SLC9C2: variants seen among roughly 807,000 people sequenced by gnomAD.
SLC9C2 encodes solute carrier family 9 member C2 (putative).
SLC9C2 carries 75 observed loss-of-function variants against 140.2 expected under a neutral mutation model. That is an observed-to-expected ratio of 0.53 (90% CI 0.44 to 0.65). The LOEUF is 0.65. Ranked by LOEUF, SLC9C2 falls within the 30% of genes least tolerant of loss-of-function variation. The pLI is 0.00. For synonymous variants in SLC9C2, 375 were observed against 420.9 expected, an observed-to-expected ratio of 0.89 and a Z score of 1.34; for missense variants, 1,074 against 1,331.8, an observed-to-expected ratio of 0.81 and a Z score of 3.01.
intron 17 of SLC9C2, among the ~76,000 whole-genome samples, chr1:173,530,957 T>G (rs547473162): frequency 2.0e-5 from 3 of 152,258 alleles, no homozygotes; most frequent in African/African-American, 7.2e-5. Context: ...GAGAGATGTT[T>G]AAAGAGGATT....
At chr1:173,557,278 C>G (rs1017442425) in intron 10 of SLC9C2, 62 bp downstream of exon 10, 1 of 1,502,652 alleles carries the variant, frequency 6.7e-7, no homozygotes. Context: ...GGTTCTCTGA[C>G]AAGTGGGCAA....
chr1:173,593,872 T>G (rs1373552993), intron 4 of SLC9C2, among the ~76,000 whole-genome samples: 1 of 152,192 alleles, frequency 6.6e-6, no homozygotes, highest in Non-Finnish European at 1.5e-5. Flanking sequence ...CCTAGATTCA[T>G]AAAGCAAGTT....
In SLC9C2 at chr1:173,547,700, C is replaced by A; in HGVS notation, c.1546G>T (p.Ala516Ser). 6.2e-7 allele frequency: 1 copy of A among 1,610,334 alleles called. No individual in the cohort carries two copies. The highest frequency in any genetic ancestry group is 8.5e-7 in the Non-Finnish European group (1 of 1,177,128). ...TGAACAGCACCAACCATTTGTATTG[C>A]AGCTACATGCAATCTGGCTTCCTCC... ...LMEEARLHVAAIQMSSFEKQR... is the reference protein window; with the variant it reads ...LMEEARLHVASIQMSSFEKQR... The change falls in exon 13 of 28, where the codon GCA (alanine) becomes TCA (serine). Residue 516 changes from alanine (A) to serine (S), a missense_variant. Coordinates refer to ENST00000367714, the MANE Select transcript of SLC9C2 (RefSeq NM_178527.4).
At chr1:173,542,134 A>C (rs1247856422) in intron 13 of SLC9C2, among the ~76,000 whole-genome samples, 3 of 152,188 alleles carry the variant, frequency 2.0e-5, no homozygotes, top group African/African-American at 7.2e-5. Flanking sequence ...AGAAGGAAAG[A>C]GAGAAGAAGC....
At chr1:173,559,292 C>A (rs994093257) in intron 9 of SLC9C2, among the ~76,000 whole-genome samples, 1 of 152,208 alleles carries the variant, frequency 6.6e-6, no homozygotes, top group East Asian at 1.9e-4. Context: ...CCCTGCCCTG[C>A]CTTTCCAAGA....
chr1:173,507,432 T>C (rs1335808132), intron 24 of SLC9C2, among the ~76,000 whole-genome samples: 1 of 152,062 alleles, frequency 6.6e-6, no homozygotes, highest in African/African-American at 2.4e-5. Context: ...CAAAGCAAGC[T>C]AGAGTCTGAG....
intron 9 of SLC9C2, among the ~76,000 whole-genome samples, chr1:173,568,790 T>C (rs1664662823): frequency 6.6e-6 from 1 of 152,192 alleles, no homozygotes; most frequent in African/African-American, 2.4e-5. Context: ...AATTATCATG[T>C]TTGATAGGTT....
intron 18 of SLC9C2, among the ~76,000 whole-genome samples, chr1:173,529,168 A>T (rs1444447693): frequency 1.3e-5 from 2 of 152,232 alleles, no homozygotes; most frequent in Admixed American, 6.5e-5. Context: ...TGGAAAATCA[A>T]TTGAAAGATT....
At chr1:173,505,192 A>G (rs1659547763) in intron 26 of SLC9C2, 55 bp downstream of exon 26, 2 of 1,374,100 alleles carry the variant, frequency 1.5e-6, no homozygotes, top group East Asian at 2.3e-5. Context: ...GGAATTTTAC[A>G]TGTATTGAAG....
rs1454536324 is a variant in SLC9C2 at position 173,603,057 on chromosome 1, GACAGTACTACCA to G, written c.-398_-387del. The G allele has an allele frequency of 6.6e-6, 1 of 152,138 alleles. No homozygotes were observed. Among genetic ancestry groups the G allele is most frequent in the Non-Finnish European group, 1.5e-5 (1 of 68,032 alleles). 9.4% of individuals were successfully genotyped at this position (152,138 alleles called of 1,614,324 possible). ...CACAGTTATGCGTCTGTTTGCCAGG[GACAGTACTACCA>G]ACTGATATCACACCAAAATCCATTT... On this transcript the variant is annotated 5_prime_UTR_variant, in exon 1 of 28. Transcript: ENST00000367714.
At chr1:173,552,757 G>A (rs1194113410) in intron 11 of SLC9C2, among the ~76,000 whole-genome samples, 1 of 152,206 alleles carries the variant, frequency 6.6e-6, no homozygotes, top group Admixed American at 6.5e-5. Context: ...GAGCTCTGAT[G>A]GAGATGGACA....
chr1:173,577,868 A>T (rs1325350619), intron 7 of SLC9C2, among the ~76,000 whole-genome samples: 1 of 152,134 alleles, frequency 6.6e-6, no homozygotes, highest in Non-Finnish European at 1.5e-5. Flanking sequence ...TTCACTTTAG[A>T]CTTCTTTTTA....
At chr1:173,589,184 T>C (rs1666020767) in intron 4 of SLC9C2, among the ~76,000 whole-genome samples, 2 of 152,342 alleles carry the variant, frequency 1.3e-5, no homozygotes, top group South Asian at 4.1e-4. Context: ...TTTAAAATAG[T>C]TTGGGTCTCA....
In SLC9C2 at chr1:173,534,637, T is replaced by C; in HGVS notation, c.1821A>G (p.Glu607=). 1 of 1,548,506 alleles carries C rather than the reference T, an allele frequency of 6.5e-7. No homozygotes were observed. The highest frequency in any genetic ancestry group is 8.7e-7 in the Non-Finnish European group (1 of 1,149,636). ...TAATCTGTCCTGTATATTCAAATTC[T>C]TCAGAAAATACTATGTGAAATATAA... is the stretch of plus-strand genomic sequence containing the variant. The part of the protein sequence containing the change: ...LTFIFHIVFS[E]EFEYTGQIIN... Residue 607 remains glutamate, a synonymous_variant, in exon 16 of 28, where the codon GAA becomes GAG. Coordinates refer to ENST00000367714, the MANE Select transcript of SLC9C2 (RefSeq NM_178527.4).
intron 24 of SLC9C2, among the ~76,000 whole-genome samples, chr1:173,508,878 T>C (rs1160948563): frequency 2.0e-5 from 3 of 152,176 alleles, no homozygotes; most frequent in Admixed American, 2.0e-4. Flanking sequence ...CCACAAAGAT[T>C]TTGAAAAGGC....
chr1:173,589,351 G>T (rs1195922411), intron 4 of SLC9C2, among the ~76,000 whole-genome samples: 1 of 152,118 alleles, frequency 6.6e-6, no homozygotes, highest in Non-Finnish European at 1.5e-5. Context: ...GAGGCCAGAA[G>T]CCTAGAAAGC....
chr1:173,592,045 A>G (rs1321549813), intron 4 of SLC9C2, among the ~76,000 whole-genome samples: 1 of 152,126 alleles, frequency 6.6e-6, no homozygotes, highest in Non-Finnish European at 1.5e-5. Context: ...ATTTTTGTAT[A>G]TGATGTAAGA....
At chr1:173,541,622 T>G (rs533736315) in intron 13 of SLC9C2, among the ~76,000 whole-genome samples, 1 of 151,288 alleles carries the variant, frequency 6.6e-6, no homozygotes, top group Non-Finnish European at 1.5e-5. Flanking sequence ...AAGCACTCCT[T>G]AGCAAATGTA....
At chr1:173,541,493 T>A (rs1662413248) in intron 13 of SLC9C2, among the ~76,000 whole-genome samples, 1 of 152,150 alleles carries the variant, frequency 6.6e-6, no homozygotes, top group Admixed American at 6.5e-5. Context: ...TGAACTCAGC[T>A]CTGCACCAAG....
Sources: allele counts gnomAD v4.1 joint callset (sites outside exome capture counted in the v4.1 genomes callset), GRCh38; gene constraint gnomAD v4.1.1; transcripts MANE v1.5; gene names NCBI Gene and HGNC (gene_info 2026-07-23, HGNC 2026-07-21).